Variants in NFKB1 observed in about 807,000 individuals in gnomAD.
The protein encoded by NFKB1 is nuclear factor kappa B subunit 1.
NFKB1 carries 9 observed loss-of-function variants against 105.1 expected under a neutral mutation model. That is an observed-to-expected ratio of 0.09 (90% confidence interval 0.05 to 0.15). NFKB1 has a LOEUF of 0.15. NFKB1 is among the 10% of genes least tolerant of loss of function. The pLI is 1.00. For synonymous variants in NFKB1, 440 were observed against 442.2 expected (o/e 1.00, Z 0.06); for missense variants, 830 against 1,203.7 (o/e 0.69, Z 4.59).
At chr4:102,522,917 T>G (rs778495523) in intron 1 of NFKB1, among the ~76,000 whole-genome samples, 3 of 152,220 alleles carry the variant, frequency 2.0e-5, no homozygotes, top group African/African-American at 4.8e-5. Context: ...TTCTTATAAC[T>G]GAAAACTATG....
chr4:102,510,971 T>G (rs1739739619), intron 1 of NFKB1: 1 of 1,275,394 alleles, frequency 7.8e-7, no homozygotes, highest in Non-Finnish European at 1.0e-6. Flanking sequence ...AGAAAAAGAG[T>G]GTTAAAAAGT....
At chr4:102,561,511 A>G (rs559404836) in intron 5 of NFKB1, among the ~76,000 whole-genome samples, 1 of 152,318 alleles carries the variant, frequency 6.6e-6, no homozygotes, top group East Asian at 1.9e-4. Context: ...CTCTCTAGGC[A>G]AAGTAGAACT....
chr4:102,545,415 C>T (rs79643286), intron 5 of NFKB1, among the ~76,000 whole-genome samples: 33 of 152,220 alleles, frequency 2.2e-4, no homozygotes, highest in South Asian at 8.3e-4. Context: ...CTTACATCAT[C>T]TCATTTAATC....
intron 20 of NFKB1, among the ~76,000 whole-genome samples, chr4:102,611,041 G>T (rs1001207508): frequency 2.0e-5 from 3 of 152,158 alleles, no homozygotes; most frequent in African/African-American, 7.2e-5. Flanking sequence ...AAATGTTACT[G>T]TTTGCTTAGG....
At chr4:102,530,620 G>C (rs989192920) in intron 3 of NFKB1, among the ~76,000 whole-genome samples, 3 of 152,180 alleles carry the variant, frequency 2.0e-5, no homozygotes, top group Non-Finnish European at 4.4e-5. Context: ...GTGAATTATG[G>C]AAGTTATGTG....
chr4:102,542,595 G>GT (rs1289530456), intron 5 of NFKB1, among the ~76,000 whole-genome samples: 1 of 151,806 alleles, frequency 6.6e-6, no homozygotes, highest in African/African-American at 2.4e-5. Context: ...CTTCTCTTAG[G>GT]TAAGCTGCTA....
chr4:102,511,080 A>G, intron 1 of NFKB1: 1 of 505,162 alleles, frequency 2.0e-6, no homozygotes. Flanking sequence ...TGTGATTTTT[A>G]TTTTTTTATT....
At chr4:102,598,807 G>A (rs1726868920) in intron 15 of NFKB1, among the ~76,000 whole-genome samples, 1 of 152,192 alleles carries the variant, frequency 6.6e-6, no homozygotes, top group African/African-American at 2.4e-5. Flanking sequence ...GAAAGGAAGT[G>A]CTGATATCTG....
intron 6 of NFKB1, among the ~76,000 whole-genome samples, chr4:102,568,039 T>C (rs989597500): frequency 2.0e-5 from 3 of 152,238 alleles, no homozygotes; most frequent in African/African-American, 7.2e-5. Flanking sequence ...AAATAGTTTA[T>C]GCTGAAATCC....
rs1739022190 is a variant in NFKB1, at chr4:102,501,606, C to G, written c.-190C>G. ...GCGCTTCCCTCCGCCCGCGCTGCGG[C>G]CATGGCGCGGCGCTGACTGGCCTGG... On this transcript the variant is annotated 5_prime_UTR_variant, in exon 1 of 24. Coordinates refer to ENST00000226574, the MANE Select transcript of NFKB1 (RefSeq NM_003998.4). The G allele has an allele frequency of 6.8e-6, 1 of 147,822 alleles. No homozygotes were observed. Among genetic ancestry groups the G allele is most frequent in the South Asian group, 2.1e-4 (1 of 4,840 alleles). 9.2% of individuals were successfully genotyped at this position (147,822 alleles called of 1,614,324 possible).
At position 102,616,399 on chromosome 4, in the gene NFKB1, C is replaced by G. The variant is rs140840548; in HGVS notation, c.2750-35C>G. On this transcript the variant is annotated intron_variant, in intron 23 of 23. Coordinates refer to ENST00000226574, the MANE Select transcript of NFKB1 (RefSeq NM_003998.4). ...GTCCATGAGCTTTTTAGAGCCCGGC[C>G]ATTCCCCCAGTGAATTTGTGCTTTC... is the stretch of plus-strand genomic sequence containing the variant. 1.2e-5 allele frequency: 20 copies of G among 1,609,482 alleles called. No individual in the cohort carries two copies. The East Asian group carries it at 4.5e-4, about 36-fold the overall frequency.
intron 5 of NFKB1, among the ~76,000 whole-genome samples, chr4:102,551,367 T>TGTATGCGCGC (rs370790173): frequency 0.058 from 8,652 of 150,186 alleles, 281 homozygotes; most frequent in African/African-American, 0.092. Flanking sequence ...TGTGTGTGTG[T>TGTATGCGCGC]GCGCGCGCGC....
intron 5 of NFKB1, among the ~76,000 whole-genome samples, chr4:102,541,416 T>C (rs1741989528): frequency 6.6e-6 from 1 of 152,226 alleles, no homozygotes; most frequent in South Asian, 2.1e-4. Context: ...GGTGTCTGTA[T>C]AATTTCTGTT....
intron 17 of NFKB1, 95 bp from the exon 18 acceptor site, chr4:102,607,055 C>A: frequency 2.5e-6 from 3 of 1,208,496 alleles, no homozygotes; most frequent in Non-Finnish European, 2.5e-6. Context: ...TGTCCCTCCC[C>A]ATGATTCAGT....
intron 5 of NFKB1, among the ~76,000 whole-genome samples, chr4:102,564,067 G>A (rs901713859): frequency 5.3e-5 from 8 of 151,678 alleles, no homozygotes; most frequent in Admixed American, 2.0e-4. Context: ...TGATCTACCC[G>A]TCTCGGCCTC....
At chr4:102,545,707 A>T (rs1486952898) in intron 5 of NFKB1, among the ~76,000 whole-genome samples, 1 of 152,148 alleles carries the variant, frequency 6.6e-6, no homozygotes, top group Non-Finnish European at 1.5e-5. Flanking sequence ...AAATGTTTCA[A>T]CCACAGAGAC....
intron 6 of NFKB1, among the ~76,000 whole-genome samples, chr4:102,573,248 C>T (rs1724534618): frequency 6.6e-6 from 1 of 152,054 alleles, no homozygotes; most frequent in Non-Finnish European, 1.5e-5. Flanking sequence ...GCAGAGGTTG[C>T]GGTGAGCCGA....
rs76373050 is a variant in NFKB1, at chr4:102,516,450, T to C, written c.-7-9062T>C. 2.7e-3 allele frequency among the ~76,000 whole-genome samples: 413 copies of C among 152,310 alleles called. 1 individual carries two copies. The highest frequency in any genetic ancestry group is 9.3e-3 in the African/African-American group (386 of 41,572). On this transcript the variant is annotated intron_variant, in intron 1 of 23. Coordinates refer to ENST00000226574, the MANE Select transcript of NFKB1 (RefSeq NM_003998.4). ...GCTGTGTTCACTTCTTTCTACCTTT[T>C]TTTCTCTGTAATTCAGTTTGGGTAG... is the stretch of plus-strand genomic sequence containing the variant.
chr4:102,534,058 A>T (rs542159981), intron 4 of NFKB1, among the ~76,000 whole-genome samples, 173 bp downstream of exon 4: 22 of 152,288 alleles, frequency 1.4e-4, no homozygotes, highest in African/African-American at 4.1e-4. Context: ...TCTCTTACTC[A>T]TTGTTCACAC....
Sources: allele counts gnomAD v4.1 joint callset (sites outside exome capture counted in the v4.1 genomes callset), GRCh38; gene constraint gnomAD v4.1.1; transcripts MANE v1.5; gene names NCBI Gene and HGNC (gene_info 2026-07-23, HGNC 2026-07-21).